Variants in PHEX observed in about 807,000 individuals in gnomAD.
PHEX encodes the protein phosphate-regulating neutral endopeptidase PHEX.
PHEX carries 16 observed loss-of-function variants against 68.0 expected under a neutral mutation model. The observed-to-expected ratio is 0.24, with a 90% CI of 0.16 to 0.36. PHEX has a LOEUF of 0.36. Among genes scored for constraint, PHEX ranks in the 10% least tolerant of loss-of-function variants. PHEX has a pLI of 1.00. For synonymous variants in PHEX, 208 were observed against 205.1 expected, an observed-to-expected ratio of 1.01 and a Z score of -0.12; for missense variants, 480 against 575.5, an observed-to-expected ratio of 0.83 and a Z score of 1.70.
intron 14 of PHEX, among the ~76,000 whole-genome samples, chrX:22,189,015 C>T (rs755509629): frequency 7.1e-5 from 8 of 112,640 alleles, no homozygotes; most frequent in Non-Finnish European, 1.1e-4. Context: ...CTCACAAATA[C>T]GTGAGAACAT....
chrX:22,146,687 C>T (rs1225785094), intron 12 of PHEX, among the ~76,000 whole-genome samples: 1 of 110,230 alleles, frequency 9.1e-6, no homozygotes, highest in Non-Finnish European at 1.9e-5. Context: ...CGTGTTGGCA[C>T]GCACCTGTAA....
intron 20 of PHEX, among the ~76,000 whole-genome samples, chrX:22,228,583 CCTTTTACTTTT>C (rs1416472772): frequency 9.0e-6 from 1 of 111,519 alleles, no homozygotes; most frequent in African/African-American, 3.3e-5. Context: ...ACATGACTTT[CCTTTTACTTTT>C]CCTGTTTCTA....
chrX:22,237,710 G>A (rs186071404), intron 20 of PHEX, among the ~76,000 whole-genome samples: 8 of 112,049 alleles, frequency 7.1e-5, no homozygotes, highest in East Asian at 2.8e-4. Flanking sequence ...ACTGCTGCCC[G>A]TTAGGCATCA....
intron 18 of PHEX, 111 bp downstream of exon 18, chrX:22,221,854 A>ATCTG (rs1935281428): frequency 1.4e-6 from 1 of 706,941 alleles, no homozygotes; most frequent in East Asian, 3.2e-5. Flanking sequence ...GATCAACAGC[A>ATCTG]TCTGTCTTCC....
At chrX:22,038,185 G>T (rs1375146374) in intron 1 of PHEX, among the ~76,000 whole-genome samples, 1 of 110,516 alleles carries the variant, frequency 9.0e-6, no homozygotes, top group Non-Finnish European at 1.9e-5. Flanking sequence ...AGCAGCAGCT[G>T]CTGCTGCTCT....
intron 15 of PHEX, among the ~76,000 whole-genome samples, chrX:22,211,662 C>T (rs1602394400): frequency 8.9e-6 from 1 of 112,134 alleles, no homozygotes; most frequent in East Asian, 2.8e-4. Flanking sequence ...TAAAGAAGGA[C>T]TAAAAGGAAA....
chrX:22,046,910 A>G (rs757977390), intron 2 of PHEX, 140 bp from the exon 3 acceptor site: 18 of 539,645 alleles, frequency 3.3e-5, no homozygotes, highest in Non-Finnish European at 5.7e-5. Context: ...AGTGAGGTAG[A>G]TTCAGAGAGT....
intron 3 of PHEX, among the ~76,000 whole-genome samples, chrX:22,066,999 G>T (rs938376444): frequency 1.8e-4 from 20 of 110,732 alleles, no homozygotes; most frequent in Non-Finnish European, 3.4e-4. Context: ...ATCCCAACAC[G>T]TTGGGAGGTT....
intron 3 of PHEX, among the ~76,000 whole-genome samples, chrX:22,073,474 A>AAG (rs775307148): frequency 1.8e-4 from 20 of 111,259 alleles, no homozygotes; most frequent in Admixed American, 2.9e-4. Context: ...TGTGATTCCA[A>AAG]AGCACCCCCT....
At chrX:22,136,059 C>CA (rs1360117201) in intron 12 of PHEX, among the ~76,000 whole-genome samples, 1 of 104,835 alleles carries the variant, frequency 9.5e-6, no homozygotes, top group African/African-American at 3.5e-5. Flanking sequence ...TTTTTCCCCT[C>CA]AAAATTAAAT....
At chrX:22,076,003 C>T (rs1222257851) in intron 3 of PHEX, among the ~76,000 whole-genome samples, 1 of 111,923 alleles carries the variant, frequency 8.9e-6, no homozygotes, top group African/African-American at 3.3e-5. Context: ...GAAATTGGCT[C>T]CGTTGAGAAT....
intron 3 of PHEX, among the ~76,000 whole-genome samples, chrX:22,047,541 A>G (rs778470399): frequency 1.8e-5 from 2 of 112,166 alleles, no homozygotes; most frequent in South Asian, 7.3e-4. Flanking sequence ...ATTCAGAGTA[A>G]ACTTCATTTC....
intron 1 of PHEX, among the ~76,000 whole-genome samples, chrX:22,037,324 C>A (rs1462075646): frequency 9.0e-6 from 1 of 110,804 alleles, no homozygotes; most frequent in Non-Finnish European, 1.9e-5. Flanking sequence ...ATAGGTACTG[C>A]CGAGCTTTCT....
At chrX:22,122,275 G>C (rs1931518680) in intron 11 of PHEX, among the ~76,000 whole-genome samples, 1 of 110,936 alleles carries the variant, frequency 9.0e-6, no homozygotes, top group African/African-American at 3.3e-5. Flanking sequence ...GTGAAAGAAA[G>C]GATATTCTCT....
At chrX:22,217,383 A>T (rs776865656) in intron 16 of PHEX, among the ~76,000 whole-genome samples, 4 of 112,608 alleles carry the variant, frequency 3.6e-5, no homozygotes, top group Non-Finnish European at 5.6e-5. Context: ...GGAAAGAAAT[A>T]ACAAAGGAAA....
At chrX:22,109,117 T>C (rs1187371253) in intron 9 of PHEX, among the ~76,000 whole-genome samples, 2 of 111,397 alleles carry the variant, frequency 1.8e-5, no homozygotes, top group African/African-American at 3.3e-5. Context: ...CAGCTAGAAA[T>C]TGGCAGAAGT....
At chrX:22,185,109 A>G (rs902298043) in intron 14 of PHEX, among the ~76,000 whole-genome samples, 4 of 111,812 alleles carry the variant, frequency 3.6e-5, no homozygotes, top group African/African-American at 1.3e-4. Flanking sequence ...CCTTTTATGT[A>G]TCTCATTCTC....
rs768719215 is a variant in PHEX, at chrX:22,182,263, C to T, written c.1586+3887C>T. Among the ~76,000 whole-genome samples the T allele has an allele frequency of 9.9e-5, 11 of 111,306 alleles. No homozygotes were observed. The South Asian group carries it at 3.4e-3, about 34-fold the overall frequency. ...TATATTCCTTCTATATCCGGTTTTTCGAGAGTTTTTATCCTGAAACGATGT... is the reference window on the plus strand; with the variant it reads ...TATATTCCTTCTATATCCGGTTTTTTGAGAGTTTTTATCCTGAAACGATGT... On this transcript the variant is annotated intron_variant, in intron 14 of 21. Coordinates refer to ENST00000379374, the MANE Select transcript of PHEX (RefSeq NM_000444.6).
chrX:22,100,818 A>T lies in PHEX; in HGVS notation c.1079+1667A>T, dbSNP rs191783195. Among the ~76,000 whole-genome samples the T allele has an allele frequency of 3.9e-3, 431 of 111,835 alleles. 2 individuals carry two copies. Among genetic ancestry groups the T allele is most frequent in the African/African-American group, 0.013 (409 of 30,772 alleles). ...TAAACGTAGAGAACAACAGTAGAAA[A>T]AACATAGATGGAAAAGTCACCTTAG... is the stretch of plus-strand genomic sequence containing the variant. On this transcript the variant is annotated intron_variant, in intron 9 of 21. Transcript: ENST00000379374.
Sources: gnomAD v4.1 joint callset for allele counts (sites outside exome capture counted in the v4.1 genomes callset) on GRCh38, gnomAD v4.1.1 for gene constraint, MANE v1.5 for transcripts, NCBI Gene and HGNC (gene_info 2026-07-23, HGNC 2026-07-21) for gene names.